GRIP1: variants seen among roughly 807,000 people sequenced by gnomAD.
The protein encoded by GRIP1 is glutamate receptor interacting protein 1, also known as glutamate receptor-interacting protein 1.
A neutral mutation model predicts 129.9 loss-of-function variants in GRIP1; 45 were observed. The observed-to-expected ratio is 0.35, with a 90% confidence interval of 0.27 to 0.44. The LOEUF is 0.44. Ranked by LOEUF, GRIP1 falls within the 20% of genes least tolerant of loss-of-function variation. GRIP1 has a pLI of 1.00. For synonymous variants in GRIP1, 530 were observed against 520.8 expected (o/e 1.02, Z -0.24); for missense variants, 1,196 against 1,396.8 (o/e 0.86, Z 2.29).
intron 1 of GRIP1, among the ~76,000 whole-genome samples, chr12:66,991,336 A>G (rs2042391660): frequency 6.6e-6 from 1 of 152,242 alleles, no homozygotes; most frequent in Non-Finnish European, 1.5e-5. Flanking sequence ...TAAACTCAAC[A>G]TAATAACCTA....
chr12:66,425,947 G>T (rs968135517), intron 14 of GRIP1, among the ~76,000 whole-genome samples: 1 of 151,274 alleles, frequency 6.6e-6, no homozygotes, highest in African/African-American at 2.4e-5. Context: ...CATTGTGCAC[G>T]TGTACCCTAA....
At chr12:66,364,894 A>G (rs2055042164) in intron 23 of GRIP1, among the ~76,000 whole-genome samples, 1 of 152,082 alleles carries the variant, frequency 6.6e-6, no homozygotes. Flanking sequence ...CCTCTCTGGA[A>G]AAAGCACAGA....
chr12:66,906,659 G>A (rs528534574), intron 1 of GRIP1, among the ~76,000 whole-genome samples: 132 of 152,238 alleles, frequency 8.7e-4, no homozygotes, highest in African/African-American at 3.1e-3. Context: ...GGTAAGACCA[G>A]AACGGGAAGG....
rs2062018749 is a variant in GRIP1, at chr12:66,548,535, GACAGGT to G, written c.137-6591_137-6586del. Among the ~76,000 whole-genome samples the G allele has an allele frequency of 2.0e-5, 3 of 152,282 alleles. No homozygotes were observed. The South Asian group carries it at 6.2e-4, about 32-fold the overall frequency. On this transcript the variant is annotated intron_variant, in intron 2 of 24. Transcript: ENST00000359742. ...AATGGGGGTAGGGTGGATATGGAGG[GACAGGT>G]ACTGACTATGCCACCCAGAGGCAAC...
At chr12:66,685,581 G>A (rs563648842) in intron 1 of GRIP1, among the ~76,000 whole-genome samples, 12 of 152,130 alleles carry the variant, frequency 7.9e-5, no homozygotes, top group Non-Finnish European at 1.2e-4. Flanking sequence ...AGGATATAGC[G>A]GTGGTGGGCT....
At chr12:66,635,688 A>G (rs2140072527) in intron 1 of GRIP1, among the ~76,000 whole-genome samples, 1 of 152,274 alleles carries the variant, frequency 6.6e-6, no homozygotes, top group African/African-American at 2.4e-5. Context: ...AACACATAAA[A>G]GAAACAAAGG....
chr12:66,460,918 T>C (rs2059117563), intron 9 of GRIP1, among the ~76,000 whole-genome samples: 1 of 152,216 alleles, frequency 6.6e-6, no homozygotes, highest in African/African-American at 2.4e-5. Context: ...CTCTTGGAAA[T>C]CCAAGTCTGA....
upstream of GRIP1, among the ~76,000 whole-genome samples, chr12:66,682,403 G>T (rs2034621395): frequency 6.6e-6 from 1 of 152,138 alleles, no homozygotes; most frequent in Non-Finnish European, 1.5e-5. Context: ...CCTGTGTCAT[G>T]CTGGTTTTGA....
chr12:66,769,649 G>A lies in GRIP1; in HGVS notation c.-420+34404C>T, dbSNP rs146961409. Among the ~76,000 whole-genome samples, 505 of 151,826 alleles carry A rather than the reference G, an allele frequency of 3.3e-3. 5 individuals are homozygous for A. Among genetic ancestry groups the A allele is most frequent in the African/African-American group, 0.011 (475 of 41,376 alleles). On this transcript the variant is annotated intron_variant, in intron 1 of 4. Transcript: ENST00000538373. ...TGTGTATCCTGAGCACACACACTTC[G>A]TTATCTCTCTTATTGCTGCAAATCC...
intron 1 of GRIP1, among the ~76,000 whole-genome samples, chr12:66,879,368 G>A (rs924209777): frequency 1.3e-5 from 2 of 151,908 alleles, no homozygotes; most frequent in African/African-American, 4.8e-5. Flanking sequence ...CTCCCTCGAT[G>A]AATCCACACA....
At chr12:66,777,226 C>T (rs2038009487) in intron 1 of GRIP1, among the ~76,000 whole-genome samples, 2 of 152,112 alleles carry the variant, frequency 1.3e-5, no homozygotes, top group African/African-American at 4.8e-5. Context: ...ACCTCACTCA[C>T]GCTGTGTTCC....
At chr12:66,703,604 G>T (rs182783708) in intron 1 of GRIP1, among the ~76,000 whole-genome samples, 29 of 152,200 alleles carry the variant, frequency 1.9e-4, no homozygotes, top group African/African-American at 7.0e-4. Flanking sequence ...TGACACTGAT[G>T]GGTGTCAGGA....
chr12:66,567,647 C>T (rs2062814763), intron 2 of GRIP1: 1 of 216,208 alleles, frequency 4.6e-6, no homozygotes. Flanking sequence ...TTATAGACAT[C>T]TTCTTGGTAT....
intron 1 of GRIP1, among the ~76,000 whole-genome samples, chr12:66,820,238 AGC>A (rs907019319): frequency 6.6e-6 from 1 of 152,214 alleles, no homozygotes; most frequent in Non-Finnish European, 1.5e-5. Context: ...GTGGTAAATA[AGC>A]ATGTGAAAAG....
intron 1 of GRIP1, among the ~76,000 whole-genome samples, chr12:67,020,045 A>G (rs2042842628): frequency 6.6e-6 from 1 of 152,208 alleles, no homozygotes; most frequent in African/African-American, 2.4e-5. Flanking sequence ...GAACCCCTCT[A>G]GAAGTTTGCT....
rs180965302 is a variant in GRIP1, at chr12:66,675,424, G to A, written c.55+3426C>T. 3.3e-5 allele frequency among the ~76,000 whole-genome samples: 5 copies of A among 152,224 alleles called. No individual in the cohort carries two copies. The East Asian group carries it at 7.7e-4, about 24-fold the overall frequency. On this transcript the variant is annotated intron_variant, in intron 1 of 24. Transcript: ENST00000359742. ...ATATCACCAGAGAAAGTGATTCTCT[G>A]CATATGAGGCCAAACTGTCTCAAGG...
At chr12:66,665,841 C>T (rs2033765078) in intron 1 of GRIP1, among the ~76,000 whole-genome samples, 2 of 152,026 alleles carry the variant, frequency 1.3e-5, no homozygotes, top group Admixed American at 1.3e-4. Flanking sequence ...CAGATACTAC[C>T]GAACAGTTTT....
At chr12:66,702,765 A>G (rs1367555914) in intron 1 of GRIP1, among the ~76,000 whole-genome samples, 2 of 152,212 alleles carry the variant, frequency 1.3e-5, no homozygotes, top group South Asian at 2.1e-4. Context: ...GAATCATTCT[A>G]CTTAACAAGA....
intron 1 of GRIP1, among the ~76,000 whole-genome samples, chr12:66,736,048 G>A (rs1220562950): frequency 6.6e-6 from 1 of 152,072 alleles, no homozygotes; most frequent in Non-Finnish European, 1.5e-5. Flanking sequence ...AATGCTGAGG[G>A]GTTGGGGAGG....
Sources: allele counts gnomAD v4.1 joint callset (sites outside exome capture counted in the v4.1 genomes callset), GRCh38; gene constraint gnomAD v4.1.1; transcripts MANE v1.5; gene names NCBI Gene and HGNC (gene_info 2026-07-23, HGNC 2026-07-21).